The following UVRAG variants were observed in gnomAD, a reference collection of about 807,000 sequenced individuals.
UVRAG encodes UV radiation resistance associated, also known as UV radiation resistance-associated gene protein.
A neutral mutation model predicts 78.0 loss-of-function variants in UVRAG; 19 were observed. That is an observed-to-expected ratio of 0.24 (90% CI 0.17 to 0.36). The LOEUF (loss-of-function observed/expected upper bound fraction) is 0.36, where lower values mean the gene tolerates loss of function less well. Ranked by LOEUF, UVRAG falls within the 10% of genes least tolerant of loss-of-function variation. The pLI is 1.00. For synonymous variants in UVRAG, 323 were observed against 324.6 expected (o/e 1.00, Z 0.05); for missense variants, 740 against 853.8 (o/e 0.87, Z 1.66).
intron 1 of UVRAG, among the ~76,000 whole-genome samples, chr11:75,851,308 T>C (rs568345096): frequency 6.6e-6 from 1 of 152,356 alleles, no homozygotes; most frequent in South Asian, 2.1e-4. Flanking sequence ...ATTATGAAAT[T>C]GAGACTGGTG....
chr11:75,880,577 A>T (rs1393811327), intron 4 of UVRAG, among the ~76,000 whole-genome samples: 1 of 152,034 alleles, frequency 6.6e-6, no homozygotes, highest in Non-Finnish European at 1.5e-5. Flanking sequence ...TTTGAGACGA[A>T]GTTTCACTCT....
intron 13 of UVRAG, among the ~76,000 whole-genome samples, chr11:76,072,169 A>T (rs932116065): frequency 6.6e-6 from 1 of 152,118 alleles, no homozygotes; most frequent in African/African-American, 2.4e-5. Flanking sequence ...TTACATTTAG[A>T]AGTTGAATAG....
intron 1 of UVRAG, among the ~76,000 whole-genome samples, chr11:75,820,068 C>T (rs1420682600): frequency 6.6e-6 from 1 of 152,146 alleles, no homozygotes; most frequent in East Asian, 1.9e-4. Context: ...CCTCAACCTC[C>T]TGGGATCAAG....
intron 1 of UVRAG, among the ~76,000 whole-genome samples, chr11:75,824,277 A>G (rs1028632376): frequency 1.3e-5 from 2 of 152,222 alleles, no homozygotes; most frequent in African/African-American, 2.4e-5. Flanking sequence ...ATAAAATGAT[A>G]TGAGGAAGCC....
At chr11:75,950,704 A>G (rs1948675509) in intron 6 of UVRAG, among the ~76,000 whole-genome samples, 2 of 152,094 alleles carry the variant, frequency 1.3e-5, no homozygotes, top group African/African-American at 2.4e-5. Flanking sequence ...ACCTCTTGCC[A>G]TCATTTGGTA....
intron 12 of UVRAG, among the ~76,000 whole-genome samples, chr11:76,065,388 C>G (rs2134381489): frequency 6.6e-6 from 1 of 152,340 alleles, no homozygotes; most frequent in East Asian, 1.9e-4. Flanking sequence ...TTTCTGGTAT[C>G]TTAATCTTAG....
chr11:75,838,207 A>G (rs1945826727), intron 1 of UVRAG, among the ~76,000 whole-genome samples: 1 of 152,196 alleles, frequency 6.6e-6, no homozygotes, highest in Admixed American at 6.5e-5. Context: ...ATATATCATA[A>G]TTTAGTCCCC....
chr11:75,912,060 C>T, intron 6 of UVRAG, 21 bp downstream of exon 6: 2 of 1,512,214 alleles, frequency 1.3e-6, no homozygotes, highest in East Asian at 2.3e-5. Context: ...TCTTAGATTG[C>T]CCTGAATTCT....
At chr11:75,939,361 A>G (rs1948438679) in intron 6 of UVRAG, among the ~76,000 whole-genome samples, 1 of 152,210 alleles carries the variant, frequency 6.6e-6, no homozygotes, top group Non-Finnish European at 1.5e-5. Context: ...CAGGCAGAGT[A>G]GAATGGGAGT....
chr11:75,839,019 C>T (rs896605136), intron 1 of UVRAG: 7 of 152,254 alleles, frequency 4.6e-5, no homozygotes, highest in African/African-American at 1.7e-4. Context: ...GGCTGCCCCT[C>T]GGCCTGTGTT....
intron 12 of UVRAG, among the ~76,000 whole-genome samples, chr11:76,054,454 GTCAT>G (rs1288334471): frequency 2.6e-5 from 4 of 152,164 alleles, no homozygotes; most frequent in African/African-American, 9.7e-5. Flanking sequence ...TGCTTCTCCT[GTCAT>G]TCAGAGTAAA....
chr11:76,098,183 T>C (rs930691192), intron 13 of UVRAG, among the ~76,000 whole-genome samples: 1 of 152,102 alleles, frequency 6.6e-6, no homozygotes, highest in Non-Finnish European at 1.5e-5. Flanking sequence ...ATAAATTAAG[T>C]AGAAAAATAA....
chr11:75,942,460 T>G (rs771806356), intron 6 of UVRAG: 1 of 152,210 alleles, frequency 6.6e-6, no homozygotes, highest in African/African-American at 2.4e-5. Context: ...CTTTCGGATC[T>G]CCACAAACAG....
At position 76,141,294 on chromosome 11, in the gene UVRAG, G is replaced by A; in HGVS notation, c.1981G>A (p.Val661Met). 1.9e-6 allele frequency: 3 copies of A among 1,614,222 alleles called. No individual in the cohort carries two copies. Among genetic ancestry groups the A allele is most frequent in the Non-Finnish European group, 2.5e-6 (3 of 1,180,034 alleles). The change falls in exon 15 of 15, where the codon GTG (valine) becomes ATG (methionine). Residue 661 changes from valine (V) to methionine (M), a missense_variant. Coordinates refer to ENST00000356136, the MANE Select transcript of UVRAG (RefSeq NM_003369.4). ...TAACTGCATCCCAGTGGACAGTGCTGTGGCAGTAGAGTGTGACGAACAAGT... is the reference window on the plus strand; with the variant it reads ...TAACTGCATCCCAGTGGACAGTGCTATGGCAGTAGAGTGTGACGAACAAGT... ...AFNCIPVDSA[V>M]AVECDEQVLG...
At chr11:75,970,415 G>A (rs895650480) in intron 7 of UVRAG, among the ~76,000 whole-genome samples, 7 of 152,048 alleles carry the variant, frequency 4.6e-5, no homozygotes, top group Non-Finnish European at 7.4e-5. Context: ...TCTTTTTCAA[G>A]GTAGTTTTAG....
At chr11:76,129,475 G>C (rs536359918) in intron 14 of UVRAG, among the ~76,000 whole-genome samples, 1 of 152,270 alleles carries the variant, frequency 6.6e-6, no homozygotes, top group South Asian at 2.1e-4. Flanking sequence ...TCTAAGTGGA[G>C]ATAAGTTCTG....
intron 13 of UVRAG, 128 bp from the exon 14 acceptor site, chr11:76,115,796 C>A: frequency 1.2e-6 from 1 of 801,158 alleles, no homozygotes; most frequent in Non-Finnish European, 2.0e-6. Flanking sequence ...TACTGTGAGG[C>A]TGATAATAGT....
At chr11:76,023,334 C>G (rs904211406) in intron 12 of UVRAG, among the ~76,000 whole-genome samples, 2 of 152,154 alleles carry the variant, frequency 1.3e-5, no homozygotes, top group Non-Finnish European at 2.9e-5. Context: ...GTAGCTTCTA[C>G]ATTCCCCACT....
chr11:75,929,027 T>A (rs972864086), intron 6 of UVRAG, among the ~76,000 whole-genome samples: 3 of 150,710 alleles, frequency 2.0e-5, no homozygotes, highest in Non-Finnish European at 4.4e-5. Context: ...GCAGTTTTGA[T>A]GTGTGGTGAA....
Sources: gnomAD v4.1 joint callset for allele counts (sites outside exome capture counted in the v4.1 genomes callset) on GRCh38, gnomAD v4.1.1 for gene constraint, MANE v1.5 for transcripts, NCBI Gene and HGNC (gene_info 2026-07-23, HGNC 2026-07-21) for gene names.